ARHGEF26: variants seen among roughly 807,000 people sequenced by gnomAD.
ARHGEF26 encodes the protein Rho guanine nucleotide exchange factor (GEF) 26.
Under a neutral mutation model 89.4 loss-of-function variants are expected in ARHGEF26, and 59 were observed. The ratio of observed to expected loss-of-function variants is 0.66; its 90% CI spans 0.54 to 0.82. The LOEUF (loss-of-function observed/expected upper bound fraction) is 0.82, where lower values mean the gene tolerates loss of function less well. Ranked by LOEUF, ARHGEF26 falls within the 40% of genes least tolerant of loss-of-function variation. The pLI is 0.00. For synonymous variants in ARHGEF26, 500 were observed against 428.4 expected (o/e 1.17, Z -2.06); for missense variants, 1,234 against 1,085.6 (o/e 1.14, Z -1.92).
chr3:154,252,941 G>A (rs1718247448), intron 12 of ARHGEF26, among the ~76,000 whole-genome samples, 175 bp from the exon 13 acceptor site: 1 of 152,078 alleles, frequency 6.6e-6, no homozygotes, highest in African/African-American at 2.4e-5. Flanking sequence ...CTAGTCTCCT[G>A]CTTATTTTAG....
Position 154,217,912 on chromosome 3 carries a change from C to T in ARHGEF26, c.1889C>T (p.Thr630Ile), listed in dbSNP as rs1467144068. 5.6e-6 allele frequency: 9 copies of T among 1,602,772 alleles called. No homozygotes were observed. The highest frequency in any genetic ancestry group is 7.7e-6 in the Non-Finnish European group (9 of 1,174,462). ...GAGGGCGCCCGGAAGATGGAAAGGACTGAGATGATGTACACAATTAACTCC... is the reference window on the plus strand; with the variant it reads ...GAGGGCGCCCGGAAGATGGAAAGGATTGAGATGATGTACACAATTAACTCC... ...CNEGARKMER[T>I]EMMYTINSQL... Residue 630 changes from threonine to isoleucine, a missense_variant, in exon 10 of 15, where the codon ACT becomes ATT. Physicochemically the swap from Thr to Ile is moderately conservative, Grantham distance 89. Coordinates refer to ENST00000465093, the MANE Select transcript of ARHGEF26 (RefSeq NM_015595.4).
intron 14 of ARHGEF26, 123 bp downstream of exon 14, chr3:154,254,947 A>C (rs1277984179): frequency 7.6e-6 from 6 of 793,510 alleles, no homozygotes; most frequent in Non-Finnish European, 1.2e-5. Context: ...GTTTGAGATC[A>C]CATATATGTA....
chr3:154,148,580 G>A (rs769472934), intron 4 of ARHGEF26, among the ~76,000 whole-genome samples: 1 of 152,104 alleles, frequency 6.6e-6, no homozygotes, highest in Non-Finnish European at 1.5e-5. Flanking sequence ...TTTTGGGTCT[G>A]AACCCCATTT....
rs144056619 is a variant in ARHGEF26 at position 154,171,175 on chromosome 3, G to C, written c.1488-16510G>C. Among the ~76,000 whole-genome samples, 3 of 152,272 alleles carry C rather than the reference G, an allele frequency of 2.0e-5. No homozygotes were observed. In the East Asian group the frequency reaches 5.8e-4, roughly 29 times the overall value. On this transcript the variant is annotated intron_variant, in intron 6 of 14. Transcript: ENST00000465093. ...CCACTGGACAGCTCTTTCTCTAGTA[G>C]CCAGGAAAGACTTGTGGGAAATATA...
At chr3:154,228,278 C>T (rs976250870) in intron 11 of ARHGEF26, among the ~76,000 whole-genome samples, 11 of 151,856 alleles carry the variant, frequency 7.2e-5, no homozygotes, top group Admixed American at 5.9e-4. Flanking sequence ...GCTGGGATTA[C>T]AGGCATGCGC....
intron 4 of ARHGEF26, among the ~76,000 whole-genome samples, chr3:154,133,318 A>G (rs1236375910): frequency 2.0e-5 from 3 of 152,116 alleles, no homozygotes; most frequent in African/African-American, 4.8e-5. Flanking sequence ...GTTTAACTGT[A>G]GTGTTGTCAT....
intron 10 of ARHGEF26, among the ~76,000 whole-genome samples, chr3:154,218,509 A>G (rs1410510484): frequency 6.6e-6 from 1 of 152,250 alleles, no homozygotes; most frequent in East Asian, 1.9e-4. Flanking sequence ...AGAAAATGAC[A>G]GCTAATGGCA....
chr3:154,186,885 A>ATTTTTT (rs1468607994), intron 6 of ARHGEF26, among the ~76,000 whole-genome samples: 1 of 69,796 alleles, frequency 1.4e-5, no homozygotes, highest in African/African-American at 5.2e-5. Context: ...TTTATTTCAG[A>ATTTTTT]CTTTTTTTTT....
intron 6 of ARHGEF26, among the ~76,000 whole-genome samples, chr3:154,179,951 A>T (rs1025642955): frequency 6.6e-6 from 1 of 152,304 alleles, no homozygotes; most frequent in Middle Eastern, 3.4e-3. Flanking sequence ...GGCTAAAGTC[A>T]TGGTGTCACT....
intron 9 of ARHGEF26, among the ~76,000 whole-genome samples, chr3:154,216,996 C>T (rs1429293845): frequency 7.7e-5 from 8 of 104,518 alleles, no homozygotes; most frequent in African/African-American, 3.2e-4. Context: ...AATAAACATA[C>T]GTGTACATGT....
chr3:154,256,317 G>A lies in ARHGEF26; in HGVS notation c.*844G>A. The stretch of plus-strand genomic sequence containing the variant: ...GGCCCACTGCAACCTCTGCTTCCTA[G>A]GTTCAAGTGATTCTCCTGCCTCAGC... On this transcript the variant is annotated 3_prime_UTR_variant, in exon 15 of 15. Transcript: ENST00000465093. 2.1e-6 allele frequency: 2 copies of A among 936,438 alleles called. No individual in the cohort carries two copies. Among genetic ancestry groups the A allele is most frequent in the Middle Eastern group, 5.4e-4 (1 of 1,850 alleles). 58.0% of individuals were successfully genotyped at this position (936,438 alleles called of 1,614,324 possible).
chr3:154,234,006 A>G (rs1424024974), intron 11 of ARHGEF26, among the ~76,000 whole-genome samples: 1 of 152,266 alleles, frequency 6.6e-6, no homozygotes, highest in Non-Finnish European at 1.5e-5. Context: ...CAAAAATCAT[A>G]TGAATATCAA....
intron 6 of ARHGEF26, among the ~76,000 whole-genome samples, chr3:154,179,738 A>G (rs1296763808): frequency 6.6e-6 from 1 of 152,218 alleles, no homozygotes; most frequent in African/African-American, 2.4e-5. Context: ...CCCATGAGTT[A>G]CAAGGGACCC....
chr3:154,251,949 A>T (rs1389534703), intron 12 of ARHGEF26, among the ~76,000 whole-genome samples: 1 of 152,204 alleles, frequency 6.6e-6, no homozygotes, highest in Non-Finnish European at 1.5e-5. Flanking sequence ...ATGTATGTTA[A>T]GAAATTTTAA....
chr3:154,202,142 A>T (rs1714684432), intron 9 of ARHGEF26, among the ~76,000 whole-genome samples: 1 of 152,120 alleles, frequency 6.6e-6, no homozygotes, highest in African/African-American at 2.4e-5. Flanking sequence ...TTTTAGGTCT[A>T]ACATTTAAGT....
At chr3:154,217,496 A>T (rs955909184) in intron 9 of ARHGEF26, among the ~76,000 whole-genome samples, 11 of 151,928 alleles carry the variant, frequency 7.2e-5, no homozygotes, top group African/African-American at 1.2e-4. Context: ...GCCTGTTCAC[A>T]CTGATGGTAG....
chr3:154,214,350 C>A (rs1448371894), intron 9 of ARHGEF26, among the ~76,000 whole-genome samples: 1 of 152,094 alleles, frequency 6.6e-6, no homozygotes, highest in Non-Finnish European at 1.5e-5. Flanking sequence ...AGCCAGTAAT[C>A]CAGGCAGCAA....
chr3:154,148,806 C>T (rs1245208153), intron 4 of ARHGEF26, among the ~76,000 whole-genome samples: 1 of 152,122 alleles, frequency 6.6e-6, no homozygotes, highest in African/African-American at 2.4e-5. Context: ...TCCTTTTTAG[C>T]CATGAATTCT....
chr3:154,253,598 T>A (rs1356001678), intron 13 of ARHGEF26, among the ~76,000 whole-genome samples: 1 of 152,214 alleles, frequency 6.6e-6, no homozygotes, highest in African/African-American at 2.4e-5. Context: ...ATACTGACAG[T>A]CTGGATTTAA....
Sources: gnomAD v4.1 joint callset for allele counts (sites outside exome capture counted in the v4.1 genomes callset) on GRCh38, gnomAD v4.1.1 for gene constraint, MANE v1.5 for transcripts, NCBI Gene and HGNC (gene_info 2026-07-23, HGNC 2026-07-21) for gene names.